PSMF1: variants seen among roughly 807,000 people sequenced by gnomAD.
PSMF1 encodes proteasome inhibitor PI31 subunit.
In PSMF1, 30 loss-of-function variants were observed where a neutral mutation model predicts 29.3. The observed-to-expected ratio is 1.02, with a 90% CI of 0.77 to 1.39. PSMF1 has a LOEUF of 1.39. Ranked by LOEUF, PSMF1 falls within the 40% of genes most tolerant of loss-of-function variation. The probability of loss-of-function intolerance (pLI) is 0.00; values close to 1 mark genes in which losing one functional copy is unlikely to be tolerated. For missense variants in PSMF1, 344 were observed against 357.5 expected (o/e 0.96, Z 0.31); for synonymous variants, 134 against 139.7 (o/e 0.96, Z 0.29).
intron 4 of PSMF1, among the ~76,000 whole-genome samples, chr20:1,151,916 TG>T (rs2086535800): frequency 6.6e-6 from 1 of 152,182 alleles, no homozygotes; most frequent in Non-Finnish European, 1.5e-5. Context: ...GGGGAGTTTT[TG>T]TTTCACTCAT....
intron 4 of PSMF1, chr20:1,161,530 T>A (rs556484475): frequency 3.5e-6 from 2 of 573,196 alleles, no homozygotes; most frequent in Admixed American, 4.8e-5. Flanking sequence ...ATCACTGCCC[T>A]GGTGCCAGCA....
In PSMF1 at chr20:1,118,836, G is replaced by A. The variant is rs762508819; in HGVS notation, c.63G>A (p.Ala21=). 5 of 1,613,498 alleles carry A rather than the reference G, an allele frequency of 3.1e-6. No individual in the cohort carries two copies. In the African/African-American group the frequency reaches 6.7e-5, roughly 22 times the overall value. The stretch of plus-strand genomic sequence containing the variant: ...CGGCCATCACCTGCAGGCAGGACGC[G>A]CTCGTCTGCTTCTTGCATTGGGAAG... ...AAPAITCRQD[A]LVCFLHWEVV... The change falls in exon 1 of 7, where the codon GCG becomes GCA. Residue 21 remains alanine (A), a synonymous_variant. Coordinates refer to ENST00000335877, the MANE Select transcript of PSMF1 (RefSeq NM_006814.5).
chr20:1,156,122 A>G (rs1423190573), intron 4 of PSMF1, among the ~76,000 whole-genome samples: 2 of 152,270 alleles, frequency 1.3e-5, no homozygotes, highest in Non-Finnish European at 2.9e-5. Context: ...AAAATACTGT[A>G]AGAAAATTTA....
At chr20:1,124,050 T>C (rs1463592196) in intron 1 of PSMF1, among the ~76,000 whole-genome samples, 1 of 152,228 alleles carries the variant, frequency 6.6e-6, no homozygotes, top group East Asian at 1.9e-4. Context: ...TCCCTTTATG[T>C]AGAGGTTATT....
At chr20:1,145,351 C>G (rs1356879462) in intron 4 of PSMF1, among the ~76,000 whole-genome samples, 2 of 152,126 alleles carry the variant, frequency 1.3e-5, no homozygotes, top group African/African-American at 4.8e-5. Context: ...TTGTCCTGCT[C>G]GCTCATACCT....
chr20:1,137,725 A>G (rs546784494), intron 4 of PSMF1, among the ~76,000 whole-genome samples: 1 of 152,278 alleles, frequency 6.6e-6, no homozygotes, highest in East Asian at 1.9e-4. Context: ...TCAAAAAATT[A>G]TTTTTCAAAC....
intron 4 of PSMF1, among the ~76,000 whole-genome samples, chr20:1,147,663 A>G (rs1403358457): frequency 6.6e-6 from 1 of 151,966 alleles, no homozygotes; most frequent in African/African-American, 2.4e-5. Context: ...AGCCTATCAG[A>G]TCTCCCCTCT....
chr20:1,129,212 C>T (rs950724451), intron 3 of PSMF1, among the ~76,000 whole-genome samples: 1 of 152,016 alleles, frequency 6.6e-6, no homozygotes, highest in African/African-American at 2.4e-5. Context: ...CAGGGTTTTG[C>T]TGTTGGCCAG....
In PSMF1 at chr20:1,164,403, C is replaced by T. The variant is rs1568484774; in HGVS notation, c.691C>T (p.Arg231Ter). The T allele has an allele frequency of 2.5e-6, 4 of 1,614,148 alleles. No individual in the cohort carries two copies. The highest frequency in any genetic ancestry group is 3.4e-6 in the Non-Finnish European group (4 of 1,180,002). ...LIDPSSGLPN[R>*]LPPGAVPPGA... Reference sequence around the variant, plus strand: ...TGACCCTTCCTCAGGCCTCCCGAACCGACTTCCTCCAGGCGCTGTGCCCCC... The same window carrying T: ...TGACCCTTCCTCAGGCCTCCCGAACTGACTTCCTCCAGGCGCTGTGCCCCC... The change falls in exon 6 of 7, where the codon CGA becomes TGA. Residue 231 changes from arginine (R) to a stop codon, truncating the protein, a stop_gained. Transcript: ENST00000335877. LOFTEE classifies it high-confidence loss of function. This position sits in a 1 kb window ranked among gnomAD's most constrained non-coding sequence, Gnocchi z 4.1.
intron 4 of PSMF1, among the ~76,000 whole-genome samples, chr20:1,137,601 A>C (rs1376267477): frequency 7.1e-6 from 1 of 140,630 alleles, no homozygotes; most frequent in African/African-American, 2.7e-5. Flanking sequence ...TTGTTTTTTC[A>C]ACAAATAAAT....
upstream of PSMF1, chr20:1,118,549 G>T: frequency 2.1e-6 from 1 of 476,668 alleles, no homozygotes. Flanking sequence ...CTGCGCTCGC[G>T]TTGCCAACCC....
chr20:1,149,713 C>T (rs2086501928), intron 4 of PSMF1, among the ~76,000 whole-genome samples: 1 of 152,228 alleles, frequency 6.6e-6, no homozygotes, highest in East Asian at 1.9e-4. Flanking sequence ...TTCATCATGA[C>T]AACATTGTGC....
rs752278906 is a variant in PSMF1 at position 1,164,507 on chromosome 20, AGG to A, written c.764+32_764+33del. The A allele has an allele frequency of 9.9e-6, 16 of 1,610,720 alleles. No individual in the cohort carries two copies. In the South Asian group the frequency reaches 1.1e-4, roughly 11 times the overall value. Reference sequence around the variant, plus strand: ...TAGTCACTCAGGTATGCTGAGAAGTAGGACCTGATGGCAGCTTGGTTCAGTGT... The same window carrying A: ...TAGTCACTCAGGTATGCTGAGAAGTAACCTGATGGCAGCTTGGTTCAGTGT... On this transcript the variant is annotated intron_variant, in intron 6 of 6. Transcript: ENST00000335877. This position sits in a 1 kb window ranked among gnomAD's most constrained non-coding sequence, Gnocchi z 4.1.
chr20:1,165,442 A>G lies in PSMF1; in HGVS notation c.*362A>G, dbSNP rs925339646. 1 of 1,086,246 alleles carries G rather than the reference A, an allele frequency of 9.2e-7. No homozygotes were observed. Among genetic ancestry groups the G allele is most frequent in the Non-Finnish European group, 1.1e-6 (1 of 893,842 alleles). 67.3% of individuals were successfully genotyped at this position (1,086,246 alleles called of 1,614,324 possible). On this transcript the variant is annotated 3_prime_UTR_variant, in exon 7 of 7. Coordinates refer to ENST00000335877, the MANE Select transcript of PSMF1 (RefSeq NM_006814.5). ...ACGCATTTTGGATGTTATTATTAAG[A>G]ACCAAATGTCAATACAGAATTCATG...
intron 3 of PSMF1, chr20:1,134,873 T>C: frequency 1.7e-6 from 1 of 575,332 alleles, no homozygotes; most frequent in Non-Finnish European, 3.2e-6. Flanking sequence ...CTCTTTCTAA[T>C]GGGGTGGTAA....
At chr20:1,147,860 G>T (rs143925958) in intron 4 of PSMF1, among the ~76,000 whole-genome samples, 28 of 152,114 alleles carry the variant, frequency 1.8e-4, no homozygotes, top group African/African-American at 5.6e-4. Context: ...CCCAGTTTTG[G>T]GGGGAGGCCA....
chr20:1,161,546 A>AAGAT lies in PSMF1; in HGVS notation c.552-1583_552-1580dup, dbSNP rs542846970. 3.6e-3 allele frequency: 2,172 copies of AAGAT among 595,826 alleles called. 65 individuals carry two copies. In the South Asian group the frequency reaches 0.039, roughly 11 times the overall value. The allele number at this position is 595,826 out of a possible 1,614,324, so 36.9% of individuals were successfully genotyped here. ...TCACTGCCCTGGTGCCAGCACAAGGAAGATCAAGATCATCGTGCTCCCAGA... is the reference window on the plus strand; with the variant it reads ...TCACTGCCCTGGTGCCAGCACAAGGAAGATAGATCAAGATCATCGTGCTCCCAGA... On this transcript the variant is annotated intron_variant, in intron 4 of 6. Transcript: ENST00000335877.
chr20:1,147,860 G>C (rs143925958), intron 4 of PSMF1, among the ~76,000 whole-genome samples: 1,715 of 152,222 alleles, frequency 0.011, 33 homozygotes, highest in African/African-American at 0.039. Context: ...CCCAGTTTTG[G>C]GGGGAGGCCA....
intron 4 of PSMF1, among the ~76,000 whole-genome samples, chr20:1,139,041 T>C (rs2086346615): frequency 6.6e-6 from 1 of 151,928 alleles, no homozygotes; most frequent in Non-Finnish European, 1.5e-5. Context: ...CTGGGCATGG[T>C]TGTGCATGCC....
Sources: gnomAD v4.1 joint callset for allele counts (sites outside exome capture counted in the v4.1 genomes callset) on GRCh38, gnomAD v4.1.1 for gene constraint, Gnocchi (gnomAD v3.1) non-coding constraint, MANE v1.5 for transcripts, NCBI Gene and HGNC (gene_info 2026-07-23, HGNC 2026-07-21) for gene names.